Variants in CAST observed in about 807,000 individuals in gnomAD.
CAST encodes MIR583 host.
Under a neutral mutation model 119.6 loss-of-function variants are expected in CAST, and 76 were observed. That is an observed-to-expected ratio of 0.64 (90% CI 0.53 to 0.77). The LOEUF is 0.77. CAST is among the 30% of genes least tolerant of loss of function. The pLI is 0.00. For missense variants in CAST, 953 were observed against 946.5 expected (o/e 1.01, Z -0.09); for synonymous variants, 319 against 331.6 (o/e 0.96, Z 0.41).
chr5:96,770,042 T>C (rs1475838132), intron 29 of CAST: 1 of 155,642 alleles, frequency 6.4e-6, no homozygotes, highest in African/African-American at 2.4e-5. Flanking sequence ...TGCAGATATC[T>C]TTATAAGGTG....
chr5:96,757,681 T>C (rs1396187347), intron 24 of CAST, 27 bp downstream of exon 24: 1 of 1,491,794 alleles, frequency 6.7e-7, no homozygotes, highest in Admixed American at 1.9e-5. Flanking sequence ...TGGTTTTATT[T>C]CTTTAGTTTT....
chr5:96,269,955 C>T, the CAST span, among the ~76,000 whole-genome samples: 1 of 152,068 alleles, frequency 6.6e-6, no homozygotes, highest in African/African-American at 2.4e-5. Context: ...AACTACAGGC[C>T]AATATTGCTG....
chr5:96,669,203 C>T (rs1749749734), intron 1 of CAST, among the ~76,000 whole-genome samples: 1 of 152,226 alleles, frequency 6.6e-6, no homozygotes, highest in African/African-American at 2.4e-5. Flanking sequence ...ACCAGCTTTA[C>T]AGAAGCTTTG....
chr5:96,208,792 G>A, the CAST span, among the ~76,000 whole-genome samples: 1 of 151,780 alleles, frequency 6.6e-6, no homozygotes, highest in Non-Finnish European at 1.5e-5. Context: ...AAGAATGTAT[G>A]TTCTGCTCTT....
chr5:96,720,632 C>CCTG lies in CAST; in HGVS notation c.211-2005_211-2003dup, dbSNP rs1758062924. ...GCCCTCAGCTAAATTCCCACTACAC[C>CCTG]CTGCGCCATTGCTGATTTTCAGCTG... On this transcript the variant is annotated intron_variant, in intron 3 of 31. Transcript: ENST00000675179. Among the ~76,000 whole-genome samples, 3 of 152,234 alleles carry CCTG rather than the reference C, an allele frequency of 2.0e-5. No homozygotes were observed. In the South Asian group the frequency reaches 6.2e-4, roughly 32 times the overall value.
intron 2 of CAST, among the ~76,000 whole-genome samples, chr5:96,690,369 T>C (rs1432372454): frequency 6.6e-6 from 1 of 151,976 alleles, no homozygotes; most frequent in African/African-American, 2.4e-5. Flanking sequence ...GTAGCTGGGG[T>C]TACAGACATG....
In CAST at chr5:96,573,376, A is replaced by ACTGGTGGC. The variant is rs1746605862; in HGVS notation, c.60+43496_60+43497insCTGGTGGC. On this transcript the variant is annotated intron_variant, in intron 1 of 11. Transcript: ENST00000505143. ...CCAGACATGGTGGCTCACACCTGTA[A>ACTGGTGGC]TCCCAACACTTTGGGAGGCTGAGGC... 4.6e-5 allele frequency among the ~76,000 whole-genome samples: 7 copies of ACTGGTGGC among 152,300 alleles called. No homozygotes were observed. In the South Asian group the frequency reaches 1.4e-3, roughly 32 times the overall value.
the CAST span, among the ~76,000 whole-genome samples, chr5:96,079,533 A>G: frequency 6.6e-6 from 1 of 152,176 alleles, no homozygotes. Context: ...AGTCTGAATA[A>G]CTCTTATTTG....
At chr5:96,641,244 T>C (rs1372345872) in intron 1 of CAST, among the ~76,000 whole-genome samples, 1 of 152,144 alleles carries the variant, frequency 6.6e-6, no homozygotes, top group Non-Finnish European at 1.5e-5. Context: ...AATAAAATTT[T>C]CTTTTCTAAT....
the CAST span, among the ~76,000 whole-genome samples, chr5:96,358,298 T>A: frequency 1.9e-3 from 296 of 152,316 alleles, no homozygotes; most frequent in African/African-American, 6.9e-3. Flanking sequence ...GATTCATTGA[T>A]TTTTTGAAGG....
the CAST span, among the ~76,000 whole-genome samples, chr5:96,491,357 G>A: frequency 6.7e-6 from 1 of 150,370 alleles, no homozygotes; most frequent in South Asian, 2.1e-4. Context: ...CGGGTGTGGT[G>A]GCGGGCGCCT....
chr5:96,536,583 G>T (rs976090970), intron 1 of CAST, among the ~76,000 whole-genome samples: 6 of 152,202 alleles, frequency 3.9e-5, no homozygotes, highest in Non-Finnish European at 8.8e-5. Context: ...AAGTGGAAAA[G>T]AGTAAGGTAC....
the CAST span, chr5:95,965,331 C>A: frequency 6.6e-6 from 1 of 152,264 alleles, no homozygotes; most frequent in African/African-American, 2.4e-5. Context: ...TAAGCATTTT[C>A]TGGACACTAA....
chr5:96,362,566 G>T, the CAST span, among the ~76,000 whole-genome samples: 1,168 of 152,240 alleles, frequency 7.7e-3, 16 homozygotes, highest in African/African-American at 0.027. Flanking sequence ...GTTTTGATTT[G>T]CATTTCTCTG....
At chr5:96,444,557 T>C in the CAST span, among the ~76,000 whole-genome samples, 1 of 151,862 alleles carries the variant, frequency 6.6e-6, no homozygotes, top group Non-Finnish European at 1.5e-5. Flanking sequence ...TTTTTCTTTA[T>C]GCCAAAATTT....
At chr5:96,733,897 C>T (rs1368751166) in intron 9 of CAST, among the ~76,000 whole-genome samples, 5 of 152,036 alleles carry the variant, frequency 3.3e-5, no homozygotes, top group African/African-American at 1.2e-4. Context: ...AAATAAAAAA[C>T]TAAATAAGGT....
chr5:96,659,091 TTC>T (rs1318606787), upstream of CAST, among the ~76,000 whole-genome samples: 5 of 152,222 alleles, frequency 3.3e-5, no homozygotes, highest in Admixed American at 6.5e-5. Flanking sequence ...ATCAATTAAA[TTC>T]TCTGTCTTCT....
At chr5:96,069,355 ATGTGTG>A in the CAST span, among the ~76,000 whole-genome samples, 31,811 of 141,430 alleles carry the variant, frequency 0.22, 3,659 homozygotes, top group Middle Eastern at 0.29. Context: ...GTGTGTATGT[ATGTGTG>A]TGTGTGTGTG....
the CAST span, among the ~76,000 whole-genome samples, chr5:96,313,788 T>C: frequency 9.8e-5 from 15 of 152,334 alleles, no homozygotes; most frequent in East Asian, 2.9e-3. Context: ...TGTCAGATTT[T>C]TTTTTTAATT....
Sources: allele counts gnomAD v4.1 joint callset (sites outside exome capture counted in the v4.1 genomes callset), GRCh38; gene constraint gnomAD v4.1.1; transcripts MANE v1.5; gene names NCBI Gene and HGNC (gene_info 2026-07-23, HGNC 2026-07-21).